The following SPON1 variants were observed in gnomAD, a reference collection of about 807,000 sequenced individuals.
The protein encoded by SPON1 is spondin-1.
SPON1 carries 52 observed loss-of-function variants against 111.7 expected under a neutral mutation model. The ratio of observed to expected loss-of-function variants is 0.47; its 90% CI spans 0.37 to 0.59. SPON1 has a LOEUF of 0.59. SPON1 is among the 20% of genes least tolerant of loss of function. The probability of loss-of-function intolerance (pLI) is 0.00; values close to 1 mark genes in which losing one functional copy is unlikely to be tolerated. For synonymous variants in SPON1, 410 were observed against 395.8 expected (o/e 1.04, Z -0.43); for missense variants, 957 against 1,068.5 (o/e 0.90, Z 1.46).
At chr11:14,023,693 G>A (rs1212263507) in intron 2 of SPON1, among the ~76,000 whole-genome samples, 1 of 152,146 alleles carries the variant, frequency 6.6e-6, no homozygotes, top group African/African-American at 2.4e-5. Context: ...AGCAGGAAAG[G>A]AGGGAAGAGC....
chr11:14,153,687 C>T (rs144854859), intron 6 of SPON1, among the ~76,000 whole-genome samples: 28 of 152,296 alleles, frequency 1.8e-4, no homozygotes, highest in Middle Eastern at 3.4e-3. Context: ...CACAGTCATG[C>T]CTTCCCAACA....
Position 14,111,443 on chromosome 11 carries a change from G to T in SPON1, c.677-23977G>T, listed in dbSNP as rs1329220802. Among the ~76,000 whole-genome samples, 3 of 152,172 alleles carry T rather than the reference G, an allele frequency of 2.0e-5. No individual in the cohort carries two copies. In the East Asian group the frequency reaches 5.8e-4, roughly 29 times the overall value. On this transcript the variant is annotated intron_variant, in intron 5 of 15. Coordinates refer to ENST00000576479, the MANE Select transcript of SPON1 (RefSeq NM_006108.4). ...TGAATACATGTTACTCAACGAACTT[G>T]CTGCAAGAAGTCTTCACTTTTAAGA...
At chr11:14,241,689 G>A (rs1292653766) in intron 6 of SPON1, among the ~76,000 whole-genome samples, 2 of 152,148 alleles carry the variant, frequency 1.3e-5, no homozygotes, top group African/African-American at 4.8e-5. Flanking sequence ...ACATGGAGCT[G>A]GCACTCAGGA....
chr11:14,064,380 G>A (rs755313777), intron 3 of SPON1, among the ~76,000 whole-genome samples: 41 of 152,224 alleles, frequency 2.7e-4, no homozygotes, highest in African/African-American at 7.0e-4. Flanking sequence ...TGGTTAATGC[G>A]GCTCTGAGGA....
At chr11:14,063,703 G>A (rs984104595) in intron 3 of SPON1, among the ~76,000 whole-genome samples, 16 of 152,234 alleles carry the variant, frequency 1.1e-4, no homozygotes, top group African/African-American at 1.7e-4. Context: ...AGTTGAATGC[G>A]TTGTGCAGTC....
At chr11:14,064,166 A>G (rs1386674683) in intron 3 of SPON1, among the ~76,000 whole-genome samples, 1 of 152,244 alleles carries the variant, frequency 6.6e-6, no homozygotes, top group Non-Finnish European at 1.5e-5. Context: ...CCACCAGGGA[A>G]TAACAAGGTT....
chr11:14,206,184 A>C (rs1449674133), intron 6 of SPON1, among the ~76,000 whole-genome samples: 4 of 152,104 alleles, frequency 2.6e-5, no homozygotes, highest in Admixed American at 2.0e-4. Context: ...TGTGAGACAC[A>C]GCCTCTGATG....
At chr11:14,177,672 G>A (rs1054152352) in intron 6 of SPON1, among the ~76,000 whole-genome samples, 61 of 152,276 alleles carry the variant, frequency 4.0e-4, no homozygotes, top group Middle Eastern at 3.4e-3. Flanking sequence ...GTCCCTGGCC[G>A]TCCCCATAGG....
In SPON1 at chr11:14,011,476, C is replaced by CCCCCTATAGTTTAGG. The variant is rs1554913739; in HGVS notation, c.345+28524_345+28538dup. Among the ~76,000 whole-genome samples the CCCCCTATAGTTTAGG allele has an allele frequency of 5.3e-3, 800 of 152,200 alleles. 9 individuals carry two copies. The highest frequency in any genetic ancestry group is 0.018 in the African/African-American group (739 of 41,524). ...TTCTGAGGCCTGTCCATGGCTGACT[C>CCCCCTATAGTTTAGG]CCCCTATAGTTTAGGGGGCCTTCAG... is the stretch of plus-strand genomic sequence containing the variant. On this transcript the variant is annotated intron_variant, in intron 2 of 15. Transcript: ENST00000576479.
chr11:14,016,234 G>T (rs954453882), intron 2 of SPON1, among the ~76,000 whole-genome samples: 2 of 152,214 alleles, frequency 1.3e-5, no homozygotes, highest in Non-Finnish European at 2.9e-5. Context: ...TGTACTAAGT[G>T]CTACGCACTT....
chr11:13,963,358 A>G (rs1847990364), intron 1 of SPON1, among the ~76,000 whole-genome samples: 1 of 152,140 alleles, frequency 6.6e-6, no homozygotes, highest in South Asian at 2.1e-4. Flanking sequence ...GGCCGCAGCC[A>G]GGAGAGGCAC....
intron 6 of SPON1, among the ~76,000 whole-genome samples, chr11:14,169,761 C>G (rs548677481): frequency 0.024 from 3,724 of 152,162 alleles, 156 homozygotes; most frequent in African/African-American, 0.084. Context: ...GAATCCTTTC[C>G]CCATTGCTTG....
chr11:14,109,777 A>G (rs1554925258), intron 5 of SPON1, among the ~76,000 whole-genome samples: 4 of 144,638 alleles, frequency 2.8e-5, no homozygotes. Context: ...TATGTGGTAG[A>G]CACTCAAGAA....
intron 7 of SPON1, among the ~76,000 whole-genome samples, chr11:14,250,948 G>A (rs1447061208): frequency 6.6e-6 from 1 of 152,172 alleles, no homozygotes; most frequent in East Asian, 1.9e-4. Context: ...GAGAATCCAT[G>A]GCATGCCAAG....
At chr11:13,981,288 C>A (rs1279213702) in intron 1 of SPON1, among the ~76,000 whole-genome samples, 1 of 152,100 alleles carries the variant, frequency 6.6e-6, no homozygotes, top group Non-Finnish European at 1.5e-5. Flanking sequence ...ACCATGATTG[C>A]CATGTTGAGA....
intron 2 of SPON1, among the ~76,000 whole-genome samples, chr11:13,999,791 C>G (rs541974063): frequency 6.6e-6 from 1 of 152,250 alleles, no homozygotes; most frequent in African/African-American, 2.4e-5. Flanking sequence ...GAGTATATAA[C>G]CTTTGCCAAG....
chr11:14,150,253 A>G (rs1591389744), intron 6 of SPON1, among the ~76,000 whole-genome samples: 2 of 152,232 alleles, frequency 1.3e-5, no homozygotes, highest in East Asian at 3.9e-4. Context: ...TCTCACTCAT[A>G]TGTGGGAGCT....
At chr11:13,990,373 CTTTTTTTTTTTTTTTTTTTTTTT>C (rs1159719282) in intron 2 of SPON1, among the ~76,000 whole-genome samples, 3 of 21,670 alleles carry the variant, frequency 1.4e-4, no homozygotes, top group Admixed American at 8.4e-4. Context: ...GCAACTCCTG[CTTTTTTTTTTTTTTTTTTTTTTT>C]TTTTTTTTTT....
intron 2 of SPON1, among the ~76,000 whole-genome samples, chr11:13,990,684 T>C (rs1204422274): frequency 6.6e-6 from 1 of 152,158 alleles, no homozygotes; most frequent in Admixed American, 6.5e-5. Context: ...CTTTACCATT[T>C]GGCATATTTT....
Sources: allele counts gnomAD v4.1 joint callset (sites outside exome capture counted in the v4.1 genomes callset), GRCh38; gene constraint gnomAD v4.1.1; transcripts MANE v1.5; gene names NCBI Gene and HGNC (gene_info 2026-07-23, HGNC 2026-07-21).